The following RHD variants were observed in gnomAD, a reference collection of about 807,000 sequenced individuals.
The protein encoded by RHD is Rh blood group D antigen.
In RHD, 16 loss-of-function variants were observed where a neutral mutation model predicts 45.5. The observed-to-expected ratio is 0.35, with a 90% CI of 0.24 to 0.53. The LOEUF (loss-of-function observed/expected upper bound fraction) is 0.53, where lower values mean the gene tolerates loss of function less well. RHD is among the 20% of genes least tolerant of loss of function. RHD has a pLI of 0.92. For missense variants in RHD, 306 were observed against 532.0 expected, an observed-to-expected ratio of 0.58 and a Z score of 4.18; for synonymous variants, 131 against 217.5, an observed-to-expected ratio of 0.60 and a Z score of 3.50.
rs1398686368 is a variant in RHD, at chr1:25,277,376, T to G, written c.148+4681T>G. Among the ~76,000 whole-genome samples, 4 of 132,256 alleles carry G rather than the reference T, an allele frequency of 3.0e-5. 1 individual carries two copies. The highest frequency in any genetic ancestry group is 7.2e-5 in the Non-Finnish European group (4 of 55,718). The allele number at this position is 132,256 out of a possible 152,430, so 86.8% of individuals were successfully genotyped here. On this transcript the variant is annotated intron_variant, in intron 1 of 9. Coordinates refer to ENST00000328664, the MANE Select transcript of RHD (RefSeq NM_016124.6). ...GCTGCCTCAGCATCTCCTGGAAATT[T>G]AGTAGAAATGCAGATTCTCAGGCCC...
At position 25,298,056 on chromosome 1, in the gene RHD, T is replaced by C. The variant is rs945358033; in HGVS notation, c.487-2890T>C. Among the ~76,000 whole-genome samples, 41 of 123,202 alleles carry C rather than the reference T, an allele frequency of 3.3e-4. 6 individuals are homozygous for C. The highest frequency in any genetic ancestry group is 5.6e-4 in the Non-Finnish European group (29 of 52,006). The allele number at this position is 123,202 out of a possible 152,430, so 80.8% of individuals were successfully genotyped here. On this transcript the variant is annotated intron_variant, in intron 3 of 9. Coordinates refer to ENST00000328664, the MANE Select transcript of RHD (RefSeq NM_016124.6). ...CACCCACCCATCCACCTCCACTTGT[T>C]CCTGCATTTCTATGTCCCAGATCCT... is the stretch of plus-strand genomic sequence containing the variant.
At chr1:25,299,031 G>A (rs1178550920) in intron 3 of RHD, among the ~76,000 whole-genome samples, 7 of 105,518 alleles carry the variant, frequency 6.6e-5, no homozygotes, top group African/African-American at 1.6e-4. Context: ...TGGGAGGGCT[G>A]TTTACCAGCC....
At chr1:25,309,809 T>G (rs1644044279) in intron 7 of RHD, among the ~76,000 whole-genome samples, 1 of 132,350 alleles carries the variant, frequency 7.6e-6, no homozygotes, top group Non-Finnish European at 1.8e-5. Flanking sequence ...TGTGAGGACA[T>G]GTGTTGAGCT....
chr1:25,289,214 T>TGG lies in RHD; in HGVS notation c.336-1426_336-1425insGG, dbSNP rs1205461324. On this transcript the variant is annotated intron_variant, in intron 2 of 9. Transcript: ENST00000328664. ...AGAGTGAATTTTTTTTGTGTGTGTG[T>TGG]GAGGCAGTCTTACTCTGTTGCCCAG... 2.3e-5 allele frequency among the ~76,000 whole-genome samples: 3 copies of TGG among 132,368 alleles called. 1 individual carries two copies. The highest frequency in any genetic ancestry group is 5.4e-5 in the Non-Finnish European group (3 of 55,756). The allele number at this position is 132,368 out of a possible 152,430, so 86.8% of individuals were successfully genotyped here.
intron 7 of RHD, among the ~76,000 whole-genome samples, chr1:25,310,211 A>G (rs1252925130): frequency 7.5e-6 from 1 of 133,090 alleles, no homozygotes; most frequent in African/African-American, 2.5e-5. Context: ...CCCAAATTTC[A>G]TGTGCTGGAA....
At chr1:25,306,541 G>A in intron 6 of RHD, 55 bp from the exon 7 acceptor site, 1 of 1,354,488 alleles carries the variant, frequency 7.4e-7, no homozygotes, top group South Asian at 1.2e-5. Flanking sequence ...GAAAGGGGTG[G>A]GTAGGGAATA....
chr1:25,285,010 C>G (rs1456794124), intron 2 of RHD, among the ~76,000 whole-genome samples: 1 of 135,060 alleles, frequency 7.4e-6, no homozygotes, highest in African/African-American at 2.6e-5. Context: ...TGCATCCTTT[C>G]TTTCCTGTTA....
In RHD at chr1:25,320,234, G is replaced by A. The variant is rs184375810; in HGVS notation, c.1154-1655G>A. 2.7e-4 allele frequency among the ~76,000 whole-genome samples: 36 copies of A among 131,798 alleles called. 1 individual carries two copies. In the East Asian group the frequency reaches 6.8e-3, roughly 25 times the overall value. The allele number at this position is 131,798 out of a possible 152,430, so 86.5% of individuals were successfully genotyped here. A position where few individuals can be genotyped will look rare whatever the true frequency, so the allele number is the denominator to read the frequency against. On this transcript the variant is annotated intron_variant, in intron 8 of 9. Transcript: ENST00000328664. ...AAAACTGGACACAAGAACACAAAAC[G>A]CTTGGGCTGCTGAGAGATTAGAACA...
Position 25,279,345 on chromosome 1 carries a change from A to G in RHD, c.149-5228A>G, listed in dbSNP as rs543532066. On this transcript the variant is annotated intron_variant, in intron 1 of 9. Transcript: ENST00000328664. ...GAGCAGCTGGCATTGTTTCATCTCA[A>G]TTTTACAGCTCAGGAAGCTGGGACA... Among the ~76,000 whole-genome samples the G allele has an allele frequency of 2.3e-4, 28 of 123,794 alleles. 6 individuals are homozygous for G. The highest frequency in any genetic ancestry group is 2.2e-3 in the Admixed American group (28 of 12,810). The allele number at this position is 123,794 out of a possible 152,430, so 81.2% of individuals were successfully genotyped here.
At position 25,291,927 on chromosome 1, in the gene RHD, T is replaced by C. The variant is rs921825333; in HGVS notation, c.486+1136T>C. On this transcript the variant is annotated intron_variant, in intron 3 of 9. Coordinates refer to ENST00000328664, the MANE Select transcript of RHD (RefSeq NM_016124.6). ...GGGGAAGGGACTGCCCAAGATCACA[T>C]AGCAAGATAGTGGCAGAACCCAAGC... is the stretch of plus-strand genomic sequence containing the variant. Among the ~76,000 whole-genome samples the C allele has an allele frequency of 1.5e-5, 2 of 132,260 alleles. 1 individual carries two copies. The allele number at this position is 132,260 out of a possible 152,430, so 86.8% of individuals were successfully genotyped here.
intron 3 of RHD, among the ~76,000 whole-genome samples, chr1:25,292,350 A>G (rs1642580049): frequency 7.5e-6 from 1 of 132,660 alleles, no homozygotes; most frequent in African/African-American, 2.6e-5. Context: ...CAAGAGAGGA[A>G]GCAGGTGGAG....
At chr1:25,307,451 T>C (rs1248224623) in intron 7 of RHD, among the ~76,000 whole-genome samples, 2 of 132,500 alleles carry the variant, frequency 1.5e-5, no homozygotes, top group Non-Finnish European at 3.6e-5. Context: ...CAGGGATAGA[T>C]TTTTAGAGAT....
In RHD at chr1:25,320,060, G is replaced by A. The variant is rs183175837; in HGVS notation, c.1154-1829G>A. On this transcript the variant is annotated intron_variant, in intron 8 of 9. Transcript: ENST00000328664. ...ATTACAGGCATGCACCACCACACCC[G>A]GCTAATTTTGTATTTTTAGTAGAGA... Among the ~76,000 whole-genome samples, 40 of 130,840 alleles carry A rather than the reference G, an allele frequency of 3.1e-4. 8 individuals carry two copies. Among genetic ancestry groups the A allele is most frequent in the African/African-American group, 9.1e-4 (35 of 38,510 alleles). The allele number at this position is 130,840 out of a possible 152,430, so 85.8% of individuals were successfully genotyped here. A position where few individuals can be genotyped will look rare whatever the true frequency, so the allele number is the denominator to read the frequency against.
At chr1:25,276,331 A>G (rs1640953516) in intron 1 of RHD, among the ~76,000 whole-genome samples, 1 of 128,170 alleles carries the variant, frequency 7.8e-6, no homozygotes, top group African/African-American at 2.7e-5. Flanking sequence ...TGTGACAATC[A>G]TCAGAGTTTG....
intron 2 of RHD, among the ~76,000 whole-genome samples, chr1:25,285,210 C>T (rs1362521705): frequency 7.6e-6 from 1 of 132,060 alleles, no homozygotes; most frequent in Non-Finnish European, 1.8e-5. Flanking sequence ...TCTCGGCACA[C>T]CACAACCTCA....
rs555534279 is a variant in RHD at position 25,302,555 on chromosome 1, C to G, written c.802-767C>G. ...AACTCAGGGAAGCCCAGAGGCTAAT[C>G]CTAGGTGAGAGCTGAGGGTGTCAGA... On this transcript the variant is annotated intron_variant, in intron 5 of 9. Transcript: ENST00000328664. Among the ~76,000 whole-genome samples, 3 of 129,784 alleles carry G rather than the reference C, an allele frequency of 2.3e-5. No homozygotes were observed. In the South Asian group the frequency reaches 7.1e-4, roughly 31 times the overall value. The allele number at this position is 129,784 out of a possible 152,430, so 85.1% of individuals were successfully genotyped here.
intron 5 of RHD, among the ~76,000 whole-genome samples, chr1:25,303,038 G>C (rs1463705960): frequency 7.6e-6 from 1 of 131,374 alleles, no homozygotes; most frequent in South Asian, 2.3e-4. Flanking sequence ...TAATGAGTGT[G>C]ATGGGTGCCT....
rs376450364 is a variant in RHD at position 25,312,429 on chromosome 1, G to A, written c.1074-4571G>A. ...GAGACCATGGACTTTGGAATTTTGA[G>A]TTGGTGCTGGAACAAGTTAAGACTT... On this transcript the variant is annotated intron_variant, in intron 7 of 9. Coordinates refer to ENST00000328664, the MANE Select transcript of RHD (RefSeq NM_016124.6). 8.0e-3 allele frequency among the ~76,000 whole-genome samples: 948 copies of A among 118,536 alleles called. 198 individuals carry two copies. The highest frequency in any genetic ancestry group is 0.014 in the Non-Finnish European group (692 of 49,744). The allele number at this position is 118,536 out of a possible 152,430, so 77.8% of individuals were successfully genotyped here. A position where few individuals can be genotyped will look rare whatever the true frequency, so the allele number is the denominator to read the frequency against.
chr1:25,329,728 A>G lies in RHD; in HGVS notation c.*804A>G, dbSNP rs552406906. On this transcript the variant is annotated 3_prime_UTR_variant, in exon 10 of 10. Coordinates refer to ENST00000328664, the MANE Select transcript of RHD (RefSeq NM_016124.6). ...GAGTGCAGTGCCGCAATCTCGGCTCACTGCAACCTCCGCCTCCCAGGTTCA... is the reference window on the plus strand; with the variant it reads ...GAGTGCAGTGCCGCAATCTCGGCTCGCTGCAACCTCCGCCTCCCAGGTTCA... The G allele has an allele frequency of 3.8e-5, 5 of 129,914 alleles. 1 individual carries two copies. The highest frequency in any genetic ancestry group is 4.6e-4 in the South Asian group (2 of 4,386). 8.0% of individuals were successfully genotyped at this position (129,914 alleles called of 1,614,324 possible).
Sources: gnomAD v4.1 joint callset for allele counts (sites outside exome capture counted in the v4.1 genomes callset) on GRCh38, gnomAD v4.1.1 for gene constraint, MANE v1.5 for transcripts, NCBI Gene and HGNC (gene_info 2026-07-23, HGNC 2026-07-21) for gene names.